PRR5L: variants seen among roughly 807,000 people sequenced by gnomAD.
The protein encoded by PRR5L is proline-rich protein 5-like.
PRR5L carries 21 observed loss-of-function variants against 36.4 expected under a neutral mutation model. The ratio of observed to expected loss-of-function variants is 0.58; its 90% CI spans 0.41 to 0.83. The LOEUF (loss-of-function observed/expected upper bound fraction) is 0.83, where lower values mean the gene tolerates loss of function less well. Ranked by LOEUF, PRR5L falls within the 40% of genes least tolerant of loss-of-function variation. PRR5L has a pLI of 0.00. For synonymous variants in PRR5L, 188 were observed against 197.0 expected, an observed-to-expected ratio of 0.95 and a Z score of 0.38; for missense variants, 381 against 473.3, an observed-to-expected ratio of 0.80 and a Z score of 1.81.
At chr11:36,298,082 G>A (rs2133445244) in intron 1 of PRR5L, among the ~76,000 whole-genome samples, 1 of 152,252 alleles carries the variant, frequency 6.6e-6, no homozygotes, top group Admixed American at 6.5e-5. Flanking sequence ...CTGAGTTGCT[G>A]GTCCCTTGAA....
chr11:36,318,123 C>T (rs4290197), intron 1 of PRR5L, among the ~76,000 whole-genome samples: 94,072 of 152,020 alleles, frequency 0.62, 30,519 homozygotes, highest in East Asian at 0.86. Context: ...TAGAGTAATA[C>T]GCTGTACACG....
intron 1 of PRR5L, among the ~76,000 whole-genome samples, chr11:36,338,838 C>T (rs1017455226): frequency 2.0e-5 from 3 of 152,062 alleles, no homozygotes; most frequent in African/African-American, 7.2e-5. Flanking sequence ...TGTGCCCCAC[C>T]CAGACCTCTA....
intron 1 of PRR5L, among the ~76,000 whole-genome samples, chr11:36,305,587 C>T (rs1426117688): frequency 2.6e-5 from 4 of 152,068 alleles, no homozygotes; most frequent in African/African-American, 9.7e-5. Context: ...CTTTTGAAAC[C>T]GAATTACTAA....
chr11:36,447,881 G>A (rs995929929), intron 7 of PRR5L, among the ~76,000 whole-genome samples: 11 of 152,160 alleles, frequency 7.2e-5, no homozygotes, highest in Admixed American at 2.0e-4. Context: ...TGTGGGGCTC[G>A]GGTCTGAGAA....
intron 1 of PRR5L, among the ~76,000 whole-genome samples, chr11:36,300,135 CTGT>C (rs938789441): frequency 6.6e-6 from 1 of 151,862 alleles, no homozygotes; most frequent in Non-Finnish European, 1.5e-5. Flanking sequence ...TTCTGTTAGT[CTGT>C]TTTGTGTTGC....
At chr11:36,388,702 T>C (rs921948868) in intron 1 of PRR5L, among the ~76,000 whole-genome samples, 4 of 140,760 alleles carry the variant, frequency 2.8e-5, no homozygotes, top group East Asian at 2.0e-4. Flanking sequence ...TTCTTTCTTT[T>C]TTTTTTTTTT....
At chr11:36,334,398 C>T (rs1016407859) in intron 1 of PRR5L, among the ~76,000 whole-genome samples, 12 of 152,228 alleles carry the variant, frequency 7.9e-5, no homozygotes, top group African/African-American at 2.9e-4. Context: ...TCCAAACAAG[C>T]TCCTGGCCAT....
intron 1 of PRR5L, among the ~76,000 whole-genome samples, chr11:36,387,443 A>G (rs1417254087): frequency 6.6e-6 from 1 of 152,220 alleles, no homozygotes; most frequent in African/African-American, 2.4e-5. Flanking sequence ...ATGGGCTGAC[A>G]GTGAGATAAG....
rs1857947009 is a variant in PRR5L at position 36,408,056 on chromosome 11, C to CTT, written c.245+4679_245+4680insTT. On this transcript the variant is annotated intron_variant, in intron 3 of 8. Transcript: ENST00000530639. ...TGAGAGGCCAAGGCAGGTGGATCAC[C>CTT]TGAGGTCAGGAGTTTGAGACCAGCC... Among the ~76,000 whole-genome samples, 3 of 152,242 alleles carry CTT rather than the reference C, an allele frequency of 2.0e-5. No homozygotes were observed. The South Asian group carries it at 6.2e-4, about 32-fold the overall frequency.
intron 3 of PRR5L, among the ~76,000 whole-genome samples, chr11:36,418,714 T>A (rs1858200358): frequency 6.6e-6 from 1 of 152,026 alleles, no homozygotes; most frequent in Non-Finnish European, 1.5e-5. Context: ...GAGAATTGCA[T>A]GAACCCAGGA....
intron 1 of PRR5L, among the ~76,000 whole-genome samples, chr11:36,313,167 C>G (rs950137260): frequency 6.6e-6 from 1 of 152,184 alleles, no homozygotes; most frequent in South Asian, 2.1e-4. Flanking sequence ...ACCCCCTCAC[C>G]GCCACCTTCA....
intron 1 of PRR5L, among the ~76,000 whole-genome samples, chr11:36,383,475 A>T (rs1857404857): frequency 6.6e-6 from 1 of 152,194 alleles, no homozygotes; most frequent in African/African-American, 2.4e-5. Context: ...AAAGAAGAAA[A>T]CAAGATGATT....
intron 1 of PRR5L, among the ~76,000 whole-genome samples, chr11:36,382,930 C>G (rs1857394983): frequency 6.6e-6 from 1 of 152,088 alleles, no homozygotes; most frequent in Non-Finnish European, 1.5e-5. Flanking sequence ...TAGGGGAGGG[C>G]CCAGGAATCT....
chr11:36,421,811 A>C (rs780838359), intron 4 of PRR5L, among the ~76,000 whole-genome samples: 19 of 152,106 alleles, frequency 1.2e-4, no homozygotes, highest in Non-Finnish European at 2.6e-4. Flanking sequence ...TGTGCTAGAG[A>C]GGATCTTGAG....
intron 8 of PRR5L, among the ~76,000 whole-genome samples, chr11:36,457,391 G>A (rs1859083036): frequency 2.0e-5 from 3 of 152,162 alleles, no homozygotes. Flanking sequence ...CAGATCATGA[G>A]GTCAGGAATT....
intron 4 of PRR5L, 47 bp from the exon 5 acceptor site, chr11:36,431,806 G>C (rs891789481): frequency 4.5e-6 from 7 of 1,568,572 alleles, no homozygotes; most frequent in Non-Finnish European, 6.1e-6. Context: ...CATCACTTAC[G>C]CTCTGGAGTT....
intron 1 of PRR5L, among the ~76,000 whole-genome samples, chr11:36,387,738 T>C (rs971004944): frequency 5.9e-5 from 9 of 152,280 alleles, no homozygotes; most frequent in Admixed American, 2.0e-4. Context: ...GACTGATTAG[T>C]GCAGGCTTAC....
At position 36,462,665 on chromosome 11, in the gene PRR5L, C is replaced by T. The variant is rs749021854; in HGVS notation, c.1036C>T (p.Pro346Ser). 1 of 1,609,570 alleles carries T rather than the reference C, an allele frequency of 6.2e-7. No homozygotes were observed. Among genetic ancestry groups the T allele is most frequent in the Non-Finnish European group, 8.5e-7 (1 of 1,178,712 alleles). Residue 346 changes from proline (P) to serine (S), a missense_variant, in exon 9 of 9, where the codon CCT becomes TCT. Coordinates refer to ENST00000530639, the MANE Select transcript of PRR5L (RefSeq NM_001160167.2). The part of the protein sequence containing the change: ...CSSEPNITDN[P>S]DGLEEGARGS... ...CAGTGAGCCCAACATCACTGACAAC[C>T]CTGACGGACTGGAGGAGGGGGCCAG...
At chr11:36,304,279 T>C (rs1296253394) in intron 1 of PRR5L, among the ~76,000 whole-genome samples, 1 of 152,248 alleles carries the variant, frequency 6.6e-6, no homozygotes, top group East Asian at 1.9e-4. Context: ...TTCATTCCTC[T>C]GTCTCAAGGA....
Sources: allele counts gnomAD v4.1 joint callset (sites outside exome capture counted in the v4.1 genomes callset), GRCh38; gene constraint gnomAD v4.1.1; transcripts MANE v1.5; gene names NCBI Gene and HGNC (gene_info 2026-07-23, HGNC 2026-07-21).